Variants in LYN observed in about 807,000 individuals in gnomAD.
The protein encoded by LYN is tyrosine-protein kinase Lyn.
In LYN, 12 loss-of-function variants were observed where a neutral mutation model predicts 65.0. The observed-to-expected ratio is 0.18, with a 90% CI of 0.12 to 0.30. LYN has a LOEUF of 0.30. Among genes scored for constraint, LYN ranks in the 10% least tolerant of loss-of-function variants. LYN has a pLI of 1.00. For synonymous variants in LYN, 222 were observed against 221.2 expected (o/e 1.00, Z -0.03); for missense variants, 380 against 623.2 (o/e 0.61, Z 4.16).
At chr8:55,986,034 C>T (rs1808064312) in intron 10 of LYN, among the ~76,000 whole-genome samples, 1 of 151,934 alleles carries the variant, frequency 6.6e-6, no homozygotes, top group African/African-American at 2.4e-5. Context: ...TTGGGTGTGG[C>T]AGTGAGCACC....
chr8:55,892,936 C>T (rs1217675281), intron 1 of LYN, among the ~76,000 whole-genome samples: 1 of 152,144 alleles, frequency 6.6e-6, no homozygotes, highest in Non-Finnish European at 1.5e-5. Flanking sequence ...CTCCCCCAAG[C>T]AGTACTCCCC....
At chr8:55,932,689 G>A (rs556987849) in intron 1 of LYN, among the ~76,000 whole-genome samples, 2 of 152,218 alleles carry the variant, frequency 1.3e-5, no homozygotes, top group South Asian at 4.2e-4. Context: ...CCAAAGTGCT[G>A]GGATTACAGG....
rs147231822 is a variant in LYN, at chr8:56,003,582, G to A, written c.1336+4033G>A. On this transcript the variant is annotated intron_variant, in intron 12 of 12. Coordinates refer to ENST00000519728, the MANE Select transcript of LYN (RefSeq NM_002350.4). ...ACTTGAGAGGCTGAGGCAGAGAATC[G>A]CTTGAATGCTTGAACCCAGGAGACA... is the stretch of plus-strand genomic sequence containing the variant. Among the ~76,000 whole-genome samples, 408 of 151,902 alleles carry A rather than the reference G, an allele frequency of 2.7e-3. 3 individuals are homozygous for A. Among genetic ancestry groups the A allele is most frequent in the African/African-American group, 8.2e-3 (341 of 41,428 alleles).
chr8:55,903,200 C>T (rs562877011), intron 1 of LYN, among the ~76,000 whole-genome samples: 1 of 152,052 alleles, frequency 6.6e-6, no homozygotes, highest in African/African-American at 2.4e-5. Context: ...ACCATGTTGG[C>T]CAGGCTGGTC....
chr8:55,930,731 T>G (rs1048770678), intron 1 of LYN, among the ~76,000 whole-genome samples: 6 of 152,222 alleles, frequency 3.9e-5, no homozygotes, highest in African/African-American at 1.4e-4. Context: ...TGCAGCATGT[T>G]GATGGGGGAC....
intron 12 of LYN, among the ~76,000 whole-genome samples, chr8:56,007,027 T>C (rs1347303120): frequency 6.6e-6 from 1 of 152,066 alleles, no homozygotes; most frequent in Non-Finnish European, 1.5e-5. Context: ...ACCAGCATCA[T>C]CGAGAGTCCT....
rs1016005197 is a variant in LYN, at chr8:56,004,711, A to G, written c.1336+5162A>G. Among the ~76,000 whole-genome samples, 3 of 152,118 alleles carry G rather than the reference A, an allele frequency of 2.0e-5. No homozygotes were observed. In the East Asian group the frequency reaches 5.8e-4, roughly 29 times the overall value. On this transcript the variant is annotated intron_variant, in intron 12 of 12. Transcript: ENST00000519728. ...TGCTGCATATAGTTCTAAATATTCT[A>G]CTCATAACTTTTATCTCTTAATTAA...
chr8:55,900,539 A>ATT (rs5891598), intron 1 of LYN, among the ~76,000 whole-genome samples: 17 of 126,424 alleles, frequency 1.3e-4, no homozygotes, highest in Admixed American at 4.1e-4. Flanking sequence ...TGCCCAGCTA[A>ATT]TTTTTTTTTT....
intron 1 of LYN, among the ~76,000 whole-genome samples, chr8:55,905,430 A>G (rs1805393791): frequency 6.6e-6 from 1 of 151,918 alleles, no homozygotes; most frequent in African/African-American, 2.4e-5. Context: ...AAAGAAAGAA[A>G]GAAAGAAAGA....
At chr8:55,962,437 CTACAGTT>C (rs1807313680) in intron 8 of LYN, among the ~76,000 whole-genome samples, 1 of 152,194 alleles carries the variant, frequency 6.6e-6, no homozygotes, top group Admixed American at 6.5e-5. Context: ...TTGGGTGTGA[CTACAGTT>C]CATTCATCTT....
intron 10 of LYN, among the ~76,000 whole-genome samples, chr8:55,984,687 C>G (rs1808025168): frequency 1.3e-5 from 2 of 152,156 alleles, no homozygotes; most frequent in Admixed American, 6.5e-5. Context: ...TTCCCCCAGC[C>G]CAGTGGTCAC....
chr8:56,006,133 T>A (rs1411853648), intron 12 of LYN, among the ~76,000 whole-genome samples: 2 of 152,154 alleles, frequency 1.3e-5, no homozygotes, highest in Non-Finnish European at 2.9e-5. Flanking sequence ...GGTCTTGTTT[T>A]GCTTTGTTTA....
chr8:55,966,869 T>A lies in LYN; in HGVS notation c.945T>A (p.Ile315=). The change falls in exon 9 of 13, where the codon ATT becomes ATA. Residue 315 remains isoleucine (I), a synonymous_variant. Transcript: ENST00000519728. The part of the protein sequence containing the change: ...LYAVVTREEP[I]YIITEYMAKG... Reference sequence around the variant, plus strand: ...CTGTGGTCACCAGGGAGGAGCCCATTTACATCATCACCGAGTACATGGCCA... The same window carrying A: ...CTGTGGTCACCAGGGAGGAGCCCATATACATCATCACCGAGTACATGGCCA... The A allele has an allele frequency of 6.2e-7, 1 of 1,613,946 alleles. No homozygotes were observed. The highest frequency in any genetic ancestry group is 8.5e-7 in the Non-Finnish European group (1 of 1,179,964).
Position 55,947,625 on chromosome 8 carries a change from G to A in LYN, c.186G>A (p.Glu62=). ...PGQRFQTKDP[E]EQGDIVVALY... The stretch of plus-strand genomic sequence containing the variant: ...TCTTGTGTTCATCTTTAGATCCAGA[G>A]GAACAAGGAGACATTGTGGTAGCCT... The change falls in exon 4 of 13, where the codon GAG becomes GAA. Residue 62 remains glutamate, a synonymous_variant. Coordinates refer to ENST00000519728, the MANE Select transcript of LYN (RefSeq NM_002350.4). The A allele has an allele frequency of 1.2e-6, 2 of 1,608,422 alleles. No individual in the cohort carries two copies. Among genetic ancestry groups the A allele is most frequent in the Non-Finnish European group, 1.7e-6 (2 of 1,174,834 alleles).
At chr8:55,913,212 C>G (rs1213592012) in intron 1 of LYN, among the ~76,000 whole-genome samples, 1 of 152,120 alleles carries the variant, frequency 6.6e-6, no homozygotes, top group Non-Finnish European at 1.5e-5. Flanking sequence ...AAAGATTTTA[C>G]CAAATAATTC....
chr8:55,987,427 T>C (rs1444216049), intron 10 of LYN, among the ~76,000 whole-genome samples: 1 of 151,876 alleles, frequency 6.6e-6, no homozygotes, highest in Non-Finnish European at 1.5e-5. Flanking sequence ...AAAAAAATCT[T>C]TTCTGTTTAT....
At chr8:55,899,398 A>C (rs992591927) in intron 1 of LYN, among the ~76,000 whole-genome samples, 1 of 152,224 alleles carries the variant, frequency 6.6e-6, no homozygotes, top group Non-Finnish European at 1.5e-5. Flanking sequence ...TTAAAAAATC[A>C]CAGTTGTAAT....
intron 1 of LYN, among the ~76,000 whole-genome samples, chr8:55,930,589 C>A (rs1259215281): frequency 2.6e-5 from 4 of 152,100 alleles, no homozygotes; most frequent in African/African-American, 7.2e-5. Flanking sequence ...TCATAGTGTT[C>A]CCTTTTATTG....
chr8:55,950,364 C>T, intron 4 of LYN, 95 bp from the exon 5 acceptor site: 1 of 819,864 alleles, frequency 1.2e-6, no homozygotes, highest in Non-Finnish European at 2.0e-6. Context: ...AATATCTGTA[C>T]ATAAATACAT....
Sources: allele counts gnomAD v4.1 joint callset (sites outside exome capture counted in the v4.1 genomes callset), GRCh38; gene constraint gnomAD v4.1.1; transcripts MANE v1.5; gene names NCBI Gene and HGNC (gene_info 2026-07-23, HGNC 2026-07-21).